TMEM131: variants seen among roughly 807,000 people sequenced by gnomAD.
TMEM131 encodes 2610524E03Rik.
A neutral mutation model predicts 211.6 loss-of-function variants in TMEM131; 66 were observed. The observed-to-expected ratio is 0.31, with a 90% CI of 0.26 to 0.38. The LOEUF is 0.38. Among genes scored for constraint, TMEM131 ranks in the 10% least tolerant of loss-of-function variants. TMEM131 has a pLI of 1.00. For missense variants in TMEM131, 2,036 were observed against 2,299.3 expected (o/e 0.89, Z 2.34); for synonymous variants, 844 against 841.3 (o/e 1.00, Z -0.06).
intron 5 of TMEM131, among the ~76,000 whole-genome samples, chr2:97,849,743 T>A (rs1673524024): frequency 2.1e-5 from 3 of 142,378 alleles, no homozygotes; most frequent in African/African-American, 7.9e-5. Context: ...TTTTTTTTAC[T>A]GTTTTGGGTG....
chr2:97,943,274 T>C (rs1677885815), intron 1 of TMEM131, among the ~76,000 whole-genome samples: 1 of 151,994 alleles, frequency 6.6e-6, no homozygotes, highest in Non-Finnish European at 1.5e-5. Flanking sequence ...ACAAAAATTT[T>C]AAAACTCAAG....
At chr2:97,792,129 C>T (rs908321825) in intron 31 of TMEM131, among the ~76,000 whole-genome samples, 1 of 152,182 alleles carries the variant, frequency 6.6e-6, no homozygotes. Flanking sequence ...CAATCTCAGG[C>T]AGCTGAAAAG....
At chr2:97,930,314 AG>A (rs1467976598) in intron 1 of TMEM131, among the ~76,000 whole-genome samples, 1 of 151,868 alleles carries the variant, frequency 6.6e-6, no homozygotes, top group African/African-American at 2.4e-5. Flanking sequence ...CCCACCATTG[AG>A]CCAGAAGAAA....
At chr2:97,821,096 G>C (rs138449770) in intron 11 of TMEM131, among the ~76,000 whole-genome samples, 1 of 152,278 alleles carries the variant, frequency 6.6e-6, no homozygotes, top group African/African-American at 2.4e-5. Context: ...CAACAATTCA[G>C]AGGTGAAGTC....
chr2:97,855,666 C>T (rs1673810951), intron 5 of TMEM131, among the ~76,000 whole-genome samples: 1 of 150,618 alleles, frequency 6.6e-6, no homozygotes, highest in African/African-American at 2.5e-5. Context: ...TGCCACTGCA[C>T]TCCAGCCTGG....
intron 4 of TMEM131, among the ~76,000 whole-genome samples, chr2:97,868,316 C>A (rs989367180): frequency 4.6e-5 from 7 of 151,974 alleles, no homozygotes; most frequent in East Asian, 3.9e-4. Flanking sequence ...ATCTATCTAT[C>A]TATATATAAA....
intron 3 of TMEM131, among the ~76,000 whole-genome samples, chr2:97,892,902 CT>C (rs573815521): frequency 2.6e-5 from 4 of 151,740 alleles, no homozygotes; most frequent in Non-Finnish European, 4.4e-5. Context: ...TTGAAAAAGA[CT>C]TTTTTTTAAT....
intron 4 of TMEM131, among the ~76,000 whole-genome samples, chr2:97,873,423 T>TG (rs1674570677): frequency 6.6e-6 from 1 of 152,200 alleles, no homozygotes; most frequent in African/African-American, 2.4e-5. Flanking sequence ...CCTCCTCAAG[T>TG]GGGTCCCTGA....
chr2:97,929,305 C>A lies in TMEM131; in HGVS notation c.188-1818G>T, dbSNP rs570266701. Among the ~76,000 whole-genome samples the A allele has an allele frequency of 1.7e-3, 255 of 151,842 alleles. 13 individuals carry two copies. Among genetic ancestry groups the A allele is most frequent in the African/African-American group, 5.9e-3 (242 of 41,156 alleles). The stretch of plus-strand genomic sequence containing the variant: ...CAAAATGAAGAAGTACTAGATGTAG[C>A]CCAAAGTATAAAATAAATATCCATA... On this transcript the variant is annotated intron_variant, in intron 1 of 40. Transcript: ENST00000186436.
At chr2:97,958,876 A>T (rs1678687421) in intron 1 of TMEM131, among the ~76,000 whole-genome samples, 1 of 152,238 alleles carries the variant, frequency 6.6e-6, no homozygotes, top group Non-Finnish European at 1.5e-5. Flanking sequence ...GAGCTCTGCA[A>T]CTTATTACGG....
At chr2:97,979,595 G>A (rs1679695551) in intron 1 of TMEM131, among the ~76,000 whole-genome samples, 1 of 152,206 alleles carries the variant, frequency 6.6e-6, no homozygotes, top group Admixed American at 6.5e-5. Flanking sequence ...GCTGCCAACT[G>A]TTCTTCTGCA....
At chr2:97,858,702 G>A (rs562293976) in intron 5 of TMEM131, among the ~76,000 whole-genome samples, 1 of 152,282 alleles carries the variant, frequency 6.6e-6, no homozygotes, top group African/African-American at 2.4e-5. Flanking sequence ...GAAGATGGAT[G>A]GCCCGTGAGA....
intron 11 of TMEM131, among the ~76,000 whole-genome samples, chr2:97,823,039 TAG>T (rs907962681): frequency 4.6e-5 from 7 of 152,126 alleles, no homozygotes; most frequent in Non-Finnish European, 8.8e-5. Context: ...GGAAGGCAAG[TAG>T]AGTGAAATAC....
Position 97,995,515 on chromosome 2 carries a change from T to A in TMEM131, c.148A>T (p.Met50Leu). The A allele has an allele frequency of 7.1e-7, 1 of 1,409,880 alleles. No individual in the cohort carries two copies. Among genetic ancestry groups the A allele is most frequent in the Non-Finnish European group, 9.3e-7 (1 of 1,076,266 alleles). The allele number at this position is 1,409,880 out of a possible 1,614,324, so 87.3% of individuals were successfully genotyped here. A position where few individuals can be genotyped will look rare whatever the true frequency, so the allele number is the denominator to read the frequency against. The change falls in exon 1 of 41, where the codon ATG (methionine) becomes TTG (leucine). Residue 50 changes from methionine to leucine, a missense_variant. By Grantham distance (15) the Met-to-Leu change is conservative (BLOSUM62 2). Transcript: ENST00000186436. ...CGCGCCGCAGCCACTACGAGGGTCATCACCAGGTGCAGCGCGCCTAGGAGG... is the reference window on the plus strand; with the variant it reads ...CGCGCCGCAGCCACTACGAGGGTCAACACCAGGTGCAGCGCGCCTAGGAGG... ...AGLLGALHLV[M>L]TLVVAAARAE...
At chr2:97,806,243 A>C (rs1335486672) in intron 19 of TMEM131, among the ~76,000 whole-genome samples, 1 of 152,210 alleles carries the variant, frequency 6.6e-6, no homozygotes, top group African/African-American at 2.4e-5. Flanking sequence ...TATCTTATTA[A>C]AACAGTACAC....
At chr2:97,936,933 G>A (rs1006937425) in intron 1 of TMEM131, among the ~76,000 whole-genome samples, 4 of 151,950 alleles carry the variant, frequency 2.6e-5, no homozygotes, top group Admixed American at 6.6e-5. Context: ...CACACCAAAT[G>A]GAGAATATTA....
Position 97,888,996 on chromosome 2 carries a change from T to C in TMEM131, c.291-876A>G, listed in dbSNP as rs373640950. 3.3e-5 allele frequency among the ~76,000 whole-genome samples: 5 copies of C among 152,294 alleles called. No individual in the cohort carries two copies. In the East Asian group the frequency reaches 5.8e-4, roughly 18 times the overall value. On this transcript the variant is annotated intron_variant, in intron 3 of 40. Transcript: ENST00000186436. ...GCTTTGAAATGATATAGTAATTTCATTCAGGATTAAGGAGTCAGAGGAAAT... is the reference window on the plus strand; with the variant it reads ...GCTTTGAAATGATATAGTAATTTCACTCAGGATTAAGGAGTCAGAGGAAAT...
chr2:97,854,571 C>T (rs1163230611), intron 5 of TMEM131, among the ~76,000 whole-genome samples: 2 of 152,130 alleles, frequency 1.3e-5, no homozygotes, highest in Non-Finnish European at 2.9e-5. Context: ...AACAATGATC[C>T]TATTAAAACC....
chr2:97,792,841 G>A lies in TMEM131; in HGVS notation c.3689C>T (p.Ala1230Val). ...PHSSHSNRNSADVENVRAKNS... is the reference protein window; with the variant it reads ...PHSSHSNRNSVDVENVRAKNS... ...TTTGGCTCTGACGTTTTCCACGTCA[G>A]CTGAGTTTCTATTGCTGTGACTGCT... Residue 1230 changes from alanine (A) to valine (V), a missense_variant, in exon 31 of 41, where the codon GCT (alanine) becomes GTT (valine). Ala to Val is a moderately conservative substitution (Grantham distance 64). Around this residue, in one of 3 missense-constraint regions of TMEM131, gnomAD observed 1,623 missense variants for 1,805.9 expected, o/e 0.90. Coordinates refer to ENST00000186436, the MANE Select transcript of TMEM131 (RefSeq NM_015348.2). The A allele has an allele frequency of 6.2e-7, 1 of 1,613,932 alleles. No homozygotes were observed. The highest frequency in any genetic ancestry group is 2.2e-5 in the East Asian group (1 of 44,870).
Sources: allele counts gnomAD v4.1 joint callset (sites outside exome capture counted in the v4.1 genomes callset), GRCh38; gene constraint gnomAD v4.1.1; regional missense constraint gnomAD v4.1.1; transcripts MANE v1.5; gene names NCBI Gene and HGNC (gene_info 2026-07-23, HGNC 2026-07-21).